The following NUP107 variants were observed in gnomAD, a reference collection of about 807,000 sequenced individuals.
NUP107 encodes the protein nucleoporin 107.
Under a neutral mutation model 141.0 loss-of-function variants are expected in NUP107, and 101 were observed. That is an observed-to-expected ratio of 0.72 (90% CI 0.61 to 0.84). NUP107 has a LOEUF of 0.84. NUP107 is among the 40% of genes least tolerant of loss of function. The probability of loss-of-function intolerance (pLI) is 0.00; values close to 1 mark genes in which losing one functional copy is unlikely to be tolerated. For synonymous variants in NUP107, 319 were observed against 363.9 expected (o/e 0.88, Z 1.41); for missense variants, 941 against 1,102.7 (o/e 0.85, Z 2.08).
rs1272460845 is a variant in NUP107, at chr12:68,745,363, T to A, written c.*2901T>A. 1.3e-5 allele frequency: 2 copies of A among 152,234 alleles called. No individual in the cohort carries two copies. Among genetic ancestry groups the A allele is most frequent in the Non-Finnish European group, 2.9e-5 (2 of 68,040 alleles). 9.4% of individuals were successfully genotyped at this position (152,234 alleles called of 1,614,324 possible). On this transcript the variant is annotated 3_prime_UTR_variant, in exon 28 of 28. Transcript: ENST00000229179. ...CAAGATGTTTTTGTGATTCCTTTTT[T>A]AAAAATCTCCTTTTGTACCTGTAAT...
chr12:68,687,330 A>AAC (rs532046319), intron 1 of NUP107: 3 of 736,374 alleles, frequency 4.1e-6, no homozygotes, highest in Non-Finnish European at 5.9e-6. Context: ...TTGGGGCAGC[A>AAC]ACACTGTTCG....
chr12:68,732,875 G>A (rs115415315), intron 23 of NUP107, 136 bp downstream of exon 23: 33 of 499,562 alleles, frequency 6.6e-5, no homozygotes, highest in Middle Eastern at 5.1e-4. Flanking sequence ...TAGAGATGGG[G>A]TCTCACTATG....
chr12:68,704,751 C>T (rs570234921), intron 8 of NUP107, among the ~76,000 whole-genome samples: 11 of 151,754 alleles, frequency 7.2e-5, no homozygotes, highest in African/African-American at 1.7e-4. Context: ...CACCGTGCCT[C>T]GCCCAAAAGT....
At position 68,702,733 on chromosome 12, in the gene NUP107, C is replaced by A; in HGVS notation, c.681-3C>A. ...TTTTTTATTTTGTCTTATTTTTCCC[C>A]AGAGACAGAATACAGTCTGCATTAG... On this transcript the variant is annotated splice_region_variant and splice_polypyrimidine_tract_variant and intron_variant, in intron 7 of 27. Transcript: ENST00000229179. The A allele has an allele frequency of 6.5e-7, 1 of 1,534,508 alleles. No homozygotes were observed. Among genetic ancestry groups the A allele is most frequent in the East Asian group, 2.4e-5 (1 of 41,676 alleles).
chr12:68,692,238 A>C, intron 5 of NUP107, 126 bp downstream of exon 5: 1 of 1,013,708 alleles, frequency 9.9e-7, no homozygotes, highest in Non-Finnish European at 1.4e-6. Context: ...TTTTCTTGAG[A>C]GAGTAGCTTA....
chr12:68,693,320 GTCC>G (rs988912416), intron 5 of NUP107, among the ~76,000 whole-genome samples: 2 of 151,902 alleles, frequency 1.3e-5, no homozygotes, highest in Admixed American at 6.6e-5. Flanking sequence ...CAAGTGATCC[GTCC>G]TCCTCAGCCT....
At chr12:68,690,896 A>C in intron 4 of NUP107, 150 bp downstream of exon 4, 2 of 691,248 alleles carry the variant, frequency 2.9e-6, no homozygotes, top group Non-Finnish European at 2.4e-6. Flanking sequence ...CCTGCTTAGC[A>C]TGATAAAACC....
intron 7 of NUP107, among the ~76,000 whole-genome samples, chr12:68,701,757 A>G (rs1644864685): frequency 6.6e-6 from 1 of 152,200 alleles, no homozygotes; most frequent in African/African-American, 2.4e-5. Context: ...TATTCATGAC[A>G]TATTGTTATA....
chr12:68,692,885 G>A (rs1592491480), intron 5 of NUP107, among the ~76,000 whole-genome samples: 1 of 151,482 alleles, frequency 6.6e-6, no homozygotes, highest in South Asian at 2.1e-4. Flanking sequence ...GAGTAGCTGG[G>A]ATTATAGGCG....
chr12:68,691,920 A>G (rs764551391), intron 4 of NUP107, 48 bp from the exon 5 acceptor site: 5 of 1,492,850 alleles, frequency 3.3e-6, no homozygotes, highest in Non-Finnish European at 4.5e-6. Flanking sequence ...CTCAGTGACA[A>G]TAACTCCATC....
At chr12:68,688,402 C>T (rs1045565468) in intron 1 of NUP107, among the ~76,000 whole-genome samples, 6 of 152,032 alleles carry the variant, frequency 3.9e-5, no homozygotes, top group Non-Finnish European at 7.4e-5. Context: ...GGACAGGAGA[C>T]CTCCTGGGTT....
intron 14 of NUP107, among the ~76,000 whole-genome samples, chr12:68,720,646 A>G (rs1424897373): frequency 1.3e-5 from 2 of 152,178 alleles, no homozygotes; most frequent in Non-Finnish European, 2.9e-5. Context: ...TGGAAATACC[A>G]TTAATAGAAT....
intron 1 of NUP107, among the ~76,000 whole-genome samples, chr12:68,688,416 A>G (rs1323323676): frequency 6.6e-6 from 1 of 152,202 alleles, no homozygotes; most frequent in Non-Finnish European, 1.5e-5. Flanking sequence ...CTGGGTTGAA[A>G]TAACTTGAAG....
chr12:68,744,970 G>A lies in NUP107; in HGVS notation c.*2508G>A, dbSNP rs536922088. The stretch of plus-strand genomic sequence containing the variant: ...ATACTAAGTTTTAAAAACTTTTCTT[G>A]GTGTGACTTATGCCAAGGAATTATG... On this transcript the variant is annotated 3_prime_UTR_variant, in exon 28 of 28. Transcript: ENST00000229179. 6.6e-6 allele frequency: 1 copy of A among 152,164 alleles called. No individual in the cohort carries two copies. The highest frequency in any genetic ancestry group is 1.5e-5 in the Non-Finnish European group (1 of 68,026). 9.4% of individuals were successfully genotyped at this position (152,164 alleles called of 1,614,324 possible).
At chr12:68,700,273 A>C (rs532601805) in intron 6 of NUP107, among the ~76,000 whole-genome samples, 7 of 152,228 alleles carry the variant, frequency 4.6e-5, no homozygotes, top group Non-Finnish European at 7.4e-5. Context: ...TAGAAATGAT[A>C]ATGTTTTTGG....
intron 10 of NUP107, among the ~76,000 whole-genome samples, chr12:68,711,573 C>T (rs1048352261): frequency 4.0e-5 from 6 of 150,722 alleles, no homozygotes; most frequent in African/African-American, 1.2e-4. Context: ...TGGATAGATA[C>T]GACAGGGAGT....
At position 68,741,841 on chromosome 12, in the gene NUP107, A is replaced by G. The variant is rs1820113927; in HGVS notation, c.2531A>G (p.His844Arg). The change falls in exon 27 of 28, where the codon CAT becomes CGT. Residue 844 changes from histidine to arginine, a missense_variant. By Grantham distance (29) the His-to-Arg change is conservative (BLOSUM62 0). Transcript: ENST00000229179. ...GCCAAAGAAGACCATGAAAGAACAC[A>G]TCAAATGGTCTTACTGAGAAAGCTT... Reference protein sequence around the residue: ...EDAKEDHERTHQMVLLRKLCL... With the variant: ...EDAKEDHERTRQMVLLRKLCL... 6.2e-7 allele frequency: 1 copy of G among 1,613,726 alleles called. No homozygotes were observed. Among genetic ancestry groups the G allele is most frequent in the Admixed American group, 1.7e-5 (1 of 59,942 alleles).
At chr12:68,724,134 GT>G (rs955739184) in intron 17 of NUP107, among the ~76,000 whole-genome samples, 4 of 148,436 alleles carry the variant, frequency 2.7e-5, no homozygotes, top group African/African-American at 7.4e-5. Flanking sequence ...ACAAGACAAC[GT>G]TTTTTTTTTA....
chr12:68,699,544 G>T (rs1431384620), intron 6 of NUP107, among the ~76,000 whole-genome samples: 1 of 152,118 alleles, frequency 6.6e-6, no homozygotes, highest in Non-Finnish European at 1.5e-5. Flanking sequence ...AAATGCAGTA[G>T]CTTCATTAAA....
Sources: gnomAD v4.1 joint callset for allele counts (sites outside exome capture counted in the v4.1 genomes callset) on GRCh38, gnomAD v4.1.1 for gene constraint, MANE v1.5 for transcripts, NCBI Gene and HGNC (gene_info 2026-07-23, HGNC 2026-07-21) for gene names.